The following DNMT1 variants were observed in gnomAD, a reference collection of about 807,000 sequenced individuals.
DNMT1 encodes the protein DNA methyltransferase 1, also known as DNA (cytosine-5)-methyltransferase 1.
A neutral mutation model predicts 205.3 loss-of-function variants in DNMT1; 24 were observed. The observed-to-expected ratio is 0.12, with a 90% CI of 0.08 to 0.16. The LOEUF (loss-of-function observed/expected upper bound fraction) is 0.16, where lower values mean the gene tolerates loss of function less well. DNMT1 is among the 10% of genes least tolerant of loss of function. DNMT1 has a pLI of 1.00. For missense variants in DNMT1, 1,293 were observed against 2,177.7 expected (o/e 0.59, Z 8.09); for synonymous variants, 817 against 839.8 (o/e 0.97, Z 0.47).
Position 10,140,344 on chromosome 19 carries a change from C to A in DNMT1, c.3524-16G>T, listed in dbSNP as rs199694630. 1 of 1,613,000 alleles carries A rather than the reference C, an allele frequency of 6.2e-7. No homozygotes were observed. On this transcript the variant is annotated splice_polypyrimidine_tract_variant and intron_variant, in intron 32 of 40. Transcript: ENST00000359526. This position sits in a 1 kb window ranked among gnomAD's most constrained non-coding sequence, Gnocchi z 8.4. ...TCAGAGATGCCTGGCAGATCAAGCA[C>A]GAAGCCATGCTTTCAACTCTCCAGA... is the stretch of plus-strand genomic sequence containing the variant.
At chr19:10,141,963 G>T in intron 30 of DNMT1, 65 bp downstream of exon 30, 1 of 1,585,392 alleles carries the variant, frequency 6.3e-7, no homozygotes, top group South Asian at 1.1e-5. Context: ...TGTATAACCC[G>T]ACATCAGACT....
intron 7 of DNMT1, 127 bp from the exon 8 acceptor site, chr19:10,174,032 G>T: frequency 2.1e-6 from 2 of 972,186 alleles, no homozygotes; most frequent in Non-Finnish European, 3.2e-6. Flanking sequence ...AAAAGAAGGG[G>T]CCTGGGTTTT....
At chr19:10,169,386 C>CAAAAAAA (rs61170762) in intron 9 of DNMT1, among the ~76,000 whole-genome samples, 3 of 80,946 alleles carry the variant, frequency 3.7e-5, no homozygotes, top group Non-Finnish European at 6.9e-5. Flanking sequence ...ACTAAAAATA[C>CAAAAAAA]AAAAAAAAAA....
At chr19:10,174,881 C>A (rs1391051986) in intron 7 of DNMT1, among the ~76,000 whole-genome samples, 1 of 151,416 alleles carries the variant, frequency 6.6e-6, no homozygotes, top group Non-Finnish European at 1.5e-5. Flanking sequence ...CATGGTGAAA[C>A]CCCATCCCTA....
chr19:10,192,787 G>A (rs2039326859), intron 1 of DNMT1, among the ~76,000 whole-genome samples: 1 of 152,020 alleles, frequency 6.6e-6, no homozygotes, highest in Non-Finnish European at 1.5e-5. Context: ...GAAGTGGTTT[G>A]ACTATAATCC....
intron 37 of DNMT1, 150 bp from the exon 38 acceptor site, chr19:10,136,437 ACT>A (rs1416866590): frequency 2.1e-6 from 2 of 969,686 alleles, no homozygotes; most frequent in African/African-American, 3.3e-5. Context: ...TTCTCTGGGC[ACT>A]GTTTTTATTA....
At chr19:10,189,124 T>TTC (rs1405175113) in intron 1 of DNMT1, among the ~76,000 whole-genome samples, 2 of 151,164 alleles carry the variant, frequency 1.3e-5, no homozygotes. Flanking sequence ...TCAGATGATT[T>TTC]TTTTTTTTTT....
chr19:10,187,862 G>C (rs1253685372), intron 1 of DNMT1, among the ~76,000 whole-genome samples: 1 of 151,850 alleles, frequency 6.6e-6, no homozygotes, highest in African/African-American at 2.4e-5. Context: ...TTAGTAATTA[G>C]CTGGGTGTGC....
chr19:10,187,746 T>C (rs547165944), intron 1 of DNMT1, among the ~76,000 whole-genome samples: 1 of 150,346 alleles, frequency 6.7e-6, no homozygotes, highest in African/African-American at 2.5e-5. Context: ...CATGCACCTA[T>C]AGTCTTAGCT....
rs112908248 is a variant in DNMT1 at position 10,194,933 on chromosome 19, G to A, written c.-34C>T. 1 of 1,588,080 alleles carries A rather than the reference G, an allele frequency of 6.3e-7. No individual in the cohort carries two copies. Among genetic ancestry groups the A allele is most frequent in the Non-Finnish European group, 8.6e-7 (1 of 1,167,648 alleles). On this transcript the variant is annotated 5_prime_UTR_variant, in exon 1 of 41. Coordinates refer to ENST00000359526, the MANE Select transcript of DNMT1 (RefSeq NM_001130823.3). ...CTTCAGCAGACGCGGCGGCGGCAGCGCAGGCGCCCCGGCTTTTCGCGCGGA... is the reference window on the plus strand; with the variant it reads ...CTTCAGCAGACGCGGCGGCGGCAGCACAGGCGCCCCGGCTTTTCGCGCGGA...
rs1273352391 is a variant in DNMT1, at chr19:10,154,544, C to T, written c.1832+42G>A. The T allele has an allele frequency of 6.2e-7, 1 of 1,613,658 alleles. No homozygotes were observed. Among genetic ancestry groups the T allele is most frequent in the African/African-American group, 1.3e-5 (1 of 74,898 alleles). ...AGGATGTGGGCCATGCTCTACCCTC[C>T]CCGGTCTCCAGTCTTCACTCTGGTC... On this transcript the variant is annotated intron_variant, in intron 21 of 40. Coordinates refer to ENST00000359526, the MANE Select transcript of DNMT1 (RefSeq NM_001130823.3). This position sits in a 1 kb window ranked among gnomAD's most constrained non-coding sequence, Gnocchi z 6.3.
rs35238334 is a variant in DNMT1, at chr19:10,186,838, C to CAAAAAAAAAAAAAAA, written c.81-4776_81-4762dup. Among the ~76,000 whole-genome samples, 659 of 70,620 alleles carry CAAAAAAAAAAAAAAA rather than the reference C, an allele frequency of 9.3e-3. 13 individuals are homozygous for CAAAAAAAAAAAAAAA. Among genetic ancestry groups the CAAAAAAAAAAAAAAA allele is most frequent in the African/African-American group, 0.021 (350 of 16,940 alleles). 46.3% of individuals were successfully genotyped at this position (70,620 alleles called of 152,430 possible). A position where few individuals can be genotyped will look rare whatever the true frequency, so the allele number is the denominator to read the frequency against. ...GGACAACAAGAGTGAAACTCCGTCT[C>CAAAAAAAAAAAAAAA]AAAAAAAAAAAAAAAAAAAAAGATA... On this transcript the variant is annotated intron_variant, in intron 1 of 40. Coordinates refer to ENST00000359526, the MANE Select transcript of DNMT1 (RefSeq NM_001130823.3).
chr19:10,166,285 C>T (rs2038691391), intron 11 of DNMT1, among the ~76,000 whole-genome samples: 2 of 152,168 alleles, frequency 1.3e-5, no homozygotes, highest in South Asian at 2.1e-4. Context: ...GACTGTGTGT[C>T]AAGGCTTCTC....
chr19:10,140,370 A>G lies in DNMT1; in HGVS notation c.3524-42T>C. 1.9e-6 allele frequency: 3 copies of G among 1,599,618 alleles called. No homozygotes were observed. Among genetic ancestry groups the G allele is most frequent in the Non-Finnish European group, 2.5e-6 (3 of 1,177,072 alleles). ...GAAGCCATGCTTTCAACTCTCCAGA[A>G]GATTTTTTTTTTTTTTTGAGATGGA... On this transcript the variant is annotated intron_variant, in intron 32 of 40. Transcript: ENST00000359526. The surrounding 1 kb of genome is among the most constrained non-coding windows in gnomAD (Gnocchi z 8.4).
intron 12 of DNMT1, 188 bp from the exon 13 acceptor site, chr19:10,162,936 C>G (rs2038606516): frequency 3.3e-6 from 2 of 606,572 alleles, no homozygotes; most frequent in Non-Finnish European, 5.8e-6. Context: ...CCCCACACAT[C>G]TACATCACCA....
intron 13 of DNMT1, 45 bp downstream of exon 13, chr19:10,162,619 GGAA>G: frequency 2.1e-6 from 3 of 1,407,800 alleles, no homozygotes; most frequent in Non-Finnish European, 1.9e-6. Context: ...CCCGTCTTGG[GGAA>G]AAAAAAAAAA....
intron 11 of DNMT1, among the ~76,000 whole-genome samples, chr19:10,164,859 T>TG (rs2038650930): frequency 8.8e-6 from 1 of 113,700 alleles, no homozygotes. Context: ...ACCTGGGAGG[T>TG]GGAGGTTGCA....
chr19:10,188,527 G>A (rs1226199074), intron 1 of DNMT1, among the ~76,000 whole-genome samples: 2 of 152,142 alleles, frequency 1.3e-5, no homozygotes, highest in Non-Finnish European at 2.9e-5. Flanking sequence ...GTGACAGAGC[G>A]AGACTCCATC....
Position 10,154,852 on chromosome 19 carries a change from G to C in DNMT1, c.1644+53C>G. On this transcript the variant is annotated intron_variant, in intron 20 of 40. Coordinates refer to ENST00000359526, the MANE Select transcript of DNMT1 (RefSeq NM_001130823.3). This position sits in a 1 kb window ranked among gnomAD's most constrained non-coding sequence, Gnocchi z 6.3. ...CTGAAGAACAGTGTCTGCTGGTTCTGAAGGCAAGTTTCCAGTGGGAATCCC... is the reference window on the plus strand; with the variant it reads ...CTGAAGAACAGTGTCTGCTGGTTCTCAAGGCAAGTTTCCAGTGGGAATCCC... 1 of 1,614,210 alleles carries C rather than the reference G, an allele frequency of 6.2e-7. No homozygotes were observed. The highest frequency in any genetic ancestry group is 8.5e-7 in the Non-Finnish European group (1 of 1,180,042).
Sources: allele counts gnomAD v4.1 joint callset (sites outside exome capture counted in the v4.1 genomes callset), GRCh38; gene constraint gnomAD v4.1.1; non-coding constraint Gnocchi (gnomAD v3.1); transcripts MANE v1.5; gene names NCBI Gene and HGNC (gene_info 2026-07-23, HGNC 2026-07-21).